The following MRRF variants were observed in gnomAD, a reference collection of about 807,000 sequenced individuals.
MRRF encodes mitochondrial ribosome recycling factor, also known as ribosome-recycling factor, mitochondrial.
In MRRF, 18 loss-of-function variants were observed where a neutral mutation model predicts 25.1. The observed-to-expected ratio is 0.72, with a 90% CI of 0.50 to 1.06. The LOEUF (loss-of-function observed/expected upper bound fraction) is 1.06. Among genes scored for constraint, MRRF ranks in the 50% least tolerant of loss-of-function variants. The probability of loss-of-function intolerance (pLI) is 0.00; values close to 1 mark genes in which losing one functional copy is unlikely to be tolerated. For missense variants in MRRF, 323 were observed against 319.3 expected (o/e 1.01, Z -0.09); for synonymous variants, 113 against 112.1 (o/e 1.01, Z -0.05).
At chr9:122,316,143 G>A (rs1835502169) in intron 6 of MRRF, among the ~76,000 whole-genome samples, 1 of 152,164 alleles carries the variant, frequency 6.6e-6, no homozygotes, top group Non-Finnish European at 1.5e-5. Context: ...TATATGATAC[G>A]ATATATCACA....
At chr9:122,270,665 T>C in intron 1 of MRRF, 199 bp from the exon 2 acceptor site, 1 of 534,730 alleles carries the variant, frequency 1.9e-6, no homozygotes, top group East Asian at 3.4e-5. Flanking sequence ...GAGCCTTAGT[T>C]TCTTCATTCT....
At position 122,324,974 on chromosome 9, in the gene MRRF, C is replaced by T. The variant is rs1436770974; in HGVS notation, c.*2357C>T. ...ATTAAGGAGCCTCTTTTGGGGTAAG[C>T]CACATGACAGGGGCTTTGCAACAGT... On this transcript the variant is annotated 3_prime_UTR_variant, in exon 7 of 7. Coordinates refer to ENST00000344641, the MANE Select transcript of MRRF (RefSeq NM_138777.5). 1 of 152,196 alleles carries T rather than the reference C, an allele frequency of 6.6e-6. No individual in the cohort carries two copies. Among genetic ancestry groups the T allele is most frequent in the Non-Finnish European group, 1.5e-5 (1 of 68,050 alleles). The allele number at this position is 152,196 out of a possible 1,614,324, so 9.4% of individuals were successfully genotyped here. A position where few individuals can be genotyped will look rare whatever the true frequency, so the allele number is the denominator to read the frequency against.
intron 2 of MRRF, among the ~76,000 whole-genome samples, chr9:122,276,168 G>A (rs2119068440): frequency 6.6e-6 from 1 of 152,022 alleles, no homozygotes; most frequent in Admixed American, 6.5e-5. Flanking sequence ...CCCACCTTGG[G>A]CTCCCAAAGT....
chr9:122,310,784 C>T (rs1024173359), intron 5 of MRRF, among the ~76,000 whole-genome samples: 3 of 152,184 alleles, frequency 2.0e-5, no homozygotes, highest in Admixed American at 2.0e-4. Flanking sequence ...AACTAACCAG[C>T]TGAGTTCAGA....
At chr9:122,299,278 A>T in intron 5 of MRRF, among the ~76,000 whole-genome samples, 1 of 151,586 alleles carries the variant, frequency 6.6e-6, no homozygotes, top group South Asian at 2.1e-4. Flanking sequence ...CCAGCTACTC[A>T]GAAGGCTGGG....
At chr9:122,283,999 G>GTTGTTGT (rs1833235005) in intron 3 of MRRF, among the ~76,000 whole-genome samples, 1 of 147,566 alleles carries the variant, frequency 6.8e-6, no homozygotes, top group African/African-American at 2.6e-5. Context: ...TGTTGTTGTT[G>GTTGTTGT]TTGTTTGTTT....
chr9:122,291,898 A>T (rs1365808239), intron 5 of MRRF, 58 bp downstream of exon 5: 5 of 1,184,578 alleles, frequency 4.2e-6, no homozygotes, highest in Non-Finnish European at 6.3e-6. Context: ...CCTTGGAAGG[A>T]AACCAACAAA....
intron 4 of MRRF, among the ~76,000 whole-genome samples, chr9:122,288,311 G>A (rs1833540989): frequency 1.3e-5 from 2 of 152,216 alleles, no homozygotes; most frequent in Non-Finnish European, 2.9e-5. Flanking sequence ...GGAAGAAAAT[G>A]AATGTGTATT....
chr9:122,297,684 A>G (rs970723683), intron 5 of MRRF, among the ~76,000 whole-genome samples: 10 of 152,172 alleles, frequency 6.6e-5, no homozygotes, highest in Admixed American at 4.6e-4. Context: ...AAGTGGTGGC[A>G]TGGGGACCGT....
intron 2 of MRRF, among the ~76,000 whole-genome samples, chr9:122,279,416 A>G (rs1384815542): frequency 1.3e-5 from 2 of 152,346 alleles, no homozygotes; most frequent in South Asian, 4.1e-4. Flanking sequence ...TTGAAATTGC[A>G]TTGCAAGTTA....
intron 5 of MRRF, among the ~76,000 whole-genome samples, chr9:122,302,626 T>A (rs1229904579): frequency 2.6e-5 from 4 of 152,192 alleles, no homozygotes; most frequent in South Asian, 2.1e-4. Context: ...ATTTGGGTTT[T>A]TTCTACTTTG....
intron 5 of MRRF, among the ~76,000 whole-genome samples, chr9:122,293,454 A>G (rs141995172): frequency 1.2e-3 from 182 of 152,320 alleles, no homozygotes; most frequent in Middle Eastern, 0.01. Context: ...TGCAGACAAC[A>G]AGAATCAATC....
At chr9:122,271,735 A>G (rs764081598) in intron 2 of MRRF, among the ~76,000 whole-genome samples, 5 of 152,208 alleles carry the variant, frequency 3.3e-5, no homozygotes, top group Non-Finnish European at 2.9e-5. Context: ...GGTAGGTTCT[A>G]TATTGTTCTT....
intron 6 of MRRF, among the ~76,000 whole-genome samples, chr9:122,314,474 G>A (rs956821245): frequency 2.1e-4 from 32 of 152,232 alleles, no homozygotes; most frequent in African/African-American, 7.0e-4. Flanking sequence ...GGGGAAAGAA[G>A]TGAATATTTG....
chr9:122,310,447 A>G (rs1442700280), intron 5 of MRRF, among the ~76,000 whole-genome samples: 1 of 152,162 alleles, frequency 6.6e-6, no homozygotes, highest in Admixed American at 6.5e-5. Context: ...CCTCCACTAC[A>G]TCTCCCACTG....
chr9:122,291,610 A>G (rs1049943955), intron 4 of MRRF, 139 bp from the exon 5 acceptor site: 24 of 720,624 alleles, frequency 3.3e-5, no homozygotes, highest in South Asian at 4.6e-5. Flanking sequence ...CTCTACACCA[A>G]TGTAACTTCC....
In MRRF at chr9:122,286,082, C is replaced by T. The variant is rs1293990854; in HGVS notation, c.459+795C>T. Reference sequence around the variant, plus strand: ...AGTCTTAGAGTACCTGGAATCCGGTCCCATCTCTACCACCAACTGGCTGTT... The same window carrying T: ...AGTCTTAGAGTACCTGGAATCCGGTTCCATCTCTACCACCAACTGGCTGTT... On this transcript the variant is annotated intron_variant, in intron 4 of 6. Transcript: ENST00000344641. The T allele has an allele frequency of 3.1e-6, 4 of 1,273,516 alleles. No individual in the cohort carries two copies. In the African/African-American group the frequency reaches 4.6e-5, roughly 15 times the overall value. The allele number at this position is 1,273,516 out of a possible 1,614,324, so 78.9% of individuals were successfully genotyped here.
chr9:122,275,451 G>A (rs1832719400), intron 2 of MRRF, among the ~76,000 whole-genome samples: 1 of 151,964 alleles, frequency 6.6e-6, no homozygotes, highest in Non-Finnish European at 1.5e-5. Flanking sequence ...TGGGCAATGT[G>A]GTGAAACCTC....
chr9:122,313,437 A>C, intron 6 of MRRF, 51 bp downstream of exon 6: 1 of 1,592,574 alleles, frequency 6.3e-7, no homozygotes, highest in Non-Finnish European at 8.6e-7. Context: ...ATAAGGAATC[A>C]TTTGTTCATG....
Sources: allele counts gnomAD v4.1 joint callset (sites outside exome capture counted in the v4.1 genomes callset), GRCh38; gene constraint gnomAD v4.1.1; transcripts MANE v1.5; gene names NCBI Gene and HGNC (gene_info 2026-07-23, HGNC 2026-07-21).